Variants in CACHD1 observed in about 807,000 individuals in gnomAD.
The protein encoded by CACHD1 is cache domain containing 1.
CACHD1 carries 71 observed loss-of-function variants against 138.7 expected under a neutral mutation model. The observed-to-expected ratio is 0.51, with a 90% CI of 0.42 to 0.62. CACHD1 has a LOEUF of 0.62. CACHD1 is among the 20% of genes least tolerant of loss of function. The pLI, the probability that CACHD1 is intolerant of heterozygous loss-of-function variation, is 0.00. For missense variants in CACHD1, 1,389 were observed against 1,625.3 expected (o/e 0.85, Z 2.50); for synonymous variants, 578 against 591.5 (o/e 0.98, Z 0.33).
At chr1:64,673,104 G>GAA (rs397819120) in intron 17 of CACHD1, 54 bp from the exon 18 acceptor site, 39,251 of 1,228,704 alleles carry the variant, frequency 0.032, 9 homozygotes, top group East Asian at 0.17. Flanking sequence ...GAATACGTTT[G>GAA]AAAAAAAAAA....
chr1:64,578,843 G>A (rs193007905), intron 2 of CACHD1, among the ~76,000 whole-genome samples: 2 of 152,240 alleles, frequency 1.3e-5, no homozygotes, highest in East Asian at 1.9e-4. Context: ...TAGGAGTCAC[G>A]TAGTATCACT....
At chr1:64,624,138 C>A (rs1648015362) in intron 4 of CACHD1, among the ~76,000 whole-genome samples, 1 of 152,184 alleles carries the variant, frequency 6.6e-6, no homozygotes, top group Admixed American at 6.5e-5. Flanking sequence ...GGCCTCATTA[C>A]CATCATATCC....
chr1:64,606,783 G>A (rs936221625), intron 4 of CACHD1, among the ~76,000 whole-genome samples: 1 of 152,162 alleles, frequency 6.6e-6, no homozygotes, highest in African/African-American at 2.4e-5. Flanking sequence ...TTTGAAGGTA[G>A]AATCAGTAGG....
chr1:64,674,443 G>A (rs1649919259), intron 19 of CACHD1, among the ~76,000 whole-genome samples: 1 of 152,136 alleles, frequency 6.6e-6, no homozygotes, highest in African/African-American at 2.4e-5. Flanking sequence ...ACAATGCCAG[G>A]ATACTCAGGT....
intron 23 of CACHD1, among the ~76,000 whole-genome samples, chr1:64,678,810 G>A (rs1650078042): frequency 6.6e-6 from 1 of 152,172 alleles, no homozygotes; most frequent in South Asian, 2.1e-4. Flanking sequence ...GGACACCACA[G>A]GGTGGACAGC....
At chr1:64,543,012 C>CAG (rs963827602) in intron 1 of CACHD1, among the ~76,000 whole-genome samples, 2 of 151,780 alleles carry the variant, frequency 1.3e-5, no homozygotes, top group African/African-American at 4.8e-5. Context: ...CACACACACA[C>CAG]GCATAATTAG....
intron 1 of CACHD1, among the ~76,000 whole-genome samples, chr1:64,475,592 G>A (rs1353170478): frequency 2.0e-5 from 3 of 152,050 alleles, no homozygotes; most frequent in Admixed American, 6.6e-5. Context: ...AGTCACCCAG[G>A]CTGGAGTGCA....
intron 2 of CACHD1, among the ~76,000 whole-genome samples, chr1:64,556,191 A>G (rs1646795529): frequency 6.6e-6 from 1 of 152,198 alleles, no homozygotes; most frequent in Admixed American, 6.5e-5. Context: ...CTTACCTCCT[A>G]GATTTCCTGC....
intron 1 of CACHD1, among the ~76,000 whole-genome samples, chr1:64,505,553 GC>G (rs1557465579): frequency 1.8e-4 from 1 of 5,714 alleles, no homozygotes. Flanking sequence ...GCCCCGCCCC[GC>G]CCCCTCCTCT....
chr1:64,539,643 G>GACT (rs1236679624), intron 1 of CACHD1, among the ~76,000 whole-genome samples: 1 of 152,194 alleles, frequency 6.6e-6, no homozygotes, highest in South Asian at 2.1e-4. Context: ...AATGGGGCTA[G>GACT]AATGTAGGGT....
chr1:64,546,680 T>C (rs75884206), intron 1 of CACHD1, among the ~76,000 whole-genome samples: 1 of 152,156 alleles, frequency 6.6e-6, no homozygotes, highest in African/African-American at 2.4e-5. Flanking sequence ...TCCATTTCCA[T>C]TTTCCAAGTC....
chr1:64,560,210 G>A (rs1275480328), intron 2 of CACHD1, among the ~76,000 whole-genome samples: 1 of 151,764 alleles, frequency 6.6e-6, no homozygotes, highest in Non-Finnish European at 1.5e-5. Flanking sequence ...ATTTTCTCTT[G>A]TTTTCTATTA....
intron 1 of CACHD1, among the ~76,000 whole-genome samples, chr1:64,537,604 A>G (rs1305239260): frequency 6.6e-6 from 1 of 152,200 alleles, no homozygotes; most frequent in Non-Finnish European, 1.5e-5. Context: ...TAGCTTTGCA[A>G]AAGTCTTGTC....
rs184527564 is a variant in CACHD1, at chr1:64,640,789, T to C, written c.1007-1031T>C. 8.3e-4 allele frequency among the ~76,000 whole-genome samples: 125 copies of C among 150,786 alleles called. 1 individual carries two copies. Among genetic ancestry groups the C allele is most frequent in the African/African-American group, 2.8e-3 (114 of 40,522 alleles). ...TATGTTAAATCAAAGAATTACAGAT[T>C]AGGAAGAAGATGTAAAAGTCCAGCT... On this transcript the variant is annotated intron_variant, in intron 7 of 26. Transcript: ENST00000651257.
chr1:64,504,723 C>G (rs1393309832), intron 1 of CACHD1, among the ~76,000 whole-genome samples: 1 of 152,094 alleles, frequency 6.6e-6, no homozygotes, highest in Non-Finnish European at 1.5e-5. Flanking sequence ...GGCAACGTAC[C>G]TGTTGTAAAT....
chr1:64,544,945 G>C (rs1646707241), intron 1 of CACHD1, among the ~76,000 whole-genome samples: 1 of 152,034 alleles, frequency 6.6e-6, no homozygotes, highest in Non-Finnish European at 1.5e-5. Flanking sequence ...AAAGTGTGAG[G>C]GAGCAATTAA....
chr1:64,485,681 A>G (rs755627318), intron 1 of CACHD1, among the ~76,000 whole-genome samples: 7 of 152,168 alleles, frequency 4.6e-5, no homozygotes, highest in South Asian at 2.1e-4. Flanking sequence ...CCTGGACTCA[A>G]GTGATCCTCC....
At chr1:64,518,874 CT>C (rs1646477948) in intron 1 of CACHD1, among the ~76,000 whole-genome samples, 1 of 152,062 alleles carries the variant, frequency 6.6e-6, no homozygotes, top group Non-Finnish European at 1.5e-5. Context: ...GAGTTGGAGC[CT>C]TTGTCTTTCT....
intron 1 of CACHD1, among the ~76,000 whole-genome samples, chr1:64,517,767 A>T (rs1425925638): frequency 6.6e-6 from 1 of 152,134 alleles, no homozygotes; most frequent in Non-Finnish European, 1.5e-5. Context: ...AGGAGGAGGG[A>T]CCTGGACAGT....
Sources: allele counts gnomAD v4.1 joint callset (sites outside exome capture counted in the v4.1 genomes callset), GRCh38; gene constraint gnomAD v4.1.1; transcripts MANE v1.5; gene names NCBI Gene and HGNC (gene_info 2026-07-23, HGNC 2026-07-21).